Variants in ARHGEF28 observed in about 807,000 individuals in gnomAD.
ARHGEF28 encodes 190 kDa guanine nucleotide exchange factor.
Under a neutral mutation model 206.6 loss-of-function variants are expected in ARHGEF28, and 152 were observed. That is an observed-to-expected ratio of 0.74 (90% CI 0.64 to 0.84). The LOEUF is 0.84. Ranked by LOEUF, ARHGEF28 falls within the 40% of genes least tolerant of loss-of-function variation. The pLI, the probability that ARHGEF28 is intolerant of heterozygous loss-of-function variation, is 0.00. For missense variants in ARHGEF28, 2,028 were observed against 2,073.2 expected (o/e 0.98, Z 0.42); for synonymous variants, 763 against 776.4 (o/e 0.98, Z 0.29).
chr5:73,734,232 GAGA>G (rs1211814279), intron 2 of ARHGEF28, among the ~76,000 whole-genome samples: 1 of 152,184 alleles, frequency 6.6e-6, no homozygotes, highest in Non-Finnish European at 1.5e-5. Context: ...AGAGAGAAAA[GAGA>G]AGAATAGGGA....
At chr5:73,768,901 T>C (rs1382121696) in intron 4 of ARHGEF28, among the ~76,000 whole-genome samples, 2 of 151,994 alleles carry the variant, frequency 1.3e-5, no homozygotes, top group African/African-American at 2.4e-5. Context: ...ATTATGGGGA[T>C]GGGTCTTTCC....
rs527586734 is a variant in ARHGEF28, at chr5:73,697,535, C to T, written c.33+12651C>T. Among the ~76,000 whole-genome samples the T allele has an allele frequency of 3.9e-5, 6 of 152,274 alleles. No individual in the cohort carries two copies. In the South Asian group the frequency reaches 1.0e-3, roughly 26 times the overall value. ...TCCTGAGATGGCAGAGGCCATCTCA[C>T]CTGAGGGGCTGAGTGTGCTCACACG... is the stretch of plus-strand genomic sequence containing the variant. On this transcript the variant is annotated intron_variant, in intron 2 of 35. Transcript: ENST00000513042.
At chr5:73,841,441 C>T (rs1757982940) in intron 11 of ARHGEF28, among the ~76,000 whole-genome samples, 1 of 152,098 alleles carries the variant, frequency 6.6e-6, no homozygotes, top group Admixed American at 6.5e-5. Context: ...CGTGGTGGCT[C>T]ACGCCTGTAA....
At chr5:73,727,470 A>G (rs1023833407) in intron 2 of ARHGEF28, among the ~76,000 whole-genome samples, 12 of 151,980 alleles carry the variant, frequency 7.9e-5, no homozygotes, top group Non-Finnish European at 1.5e-4. Flanking sequence ...ATGGTCATCT[A>G]CTCTCCTTAA....
At chr5:73,735,695 C>A (rs992745008) in intron 2 of ARHGEF28, among the ~76,000 whole-genome samples, 2 of 152,186 alleles carry the variant, frequency 1.3e-5, no homozygotes, top group Non-Finnish European at 2.9e-5. Context: ...TTGTGTTACT[C>A]CCCTGCTCAA....
intron 5 of ARHGEF28, 141 bp from the exon 6 acceptor site, chr5:73,776,375 T>C: frequency 3.1e-6 from 2 of 638,280 alleles, no homozygotes; most frequent in East Asian, 2.7e-5. Context: ...TATGATCTTA[T>C]GTATTTATTG....
intron 2 of ARHGEF28, among the ~76,000 whole-genome samples, chr5:73,702,858 A>G (rs1175760628): frequency 6.6e-6 from 1 of 152,204 alleles, no homozygotes; most frequent in Non-Finnish European, 1.5e-5. Context: ...ACCAATCTTC[A>G]TCCTCCCTCA....
At chr5:73,712,755 A>T (rs1285788174) in intron 2 of ARHGEF28, among the ~76,000 whole-genome samples, 1 of 152,186 alleles carries the variant, frequency 6.6e-6, no homozygotes, top group Non-Finnish European at 1.5e-5. Flanking sequence ...AAACTAATAG[A>T]ACAGAATCAT....
chr5:73,865,625 A>G (rs1759657630), intron 17 of ARHGEF28, among the ~76,000 whole-genome samples: 1 of 152,126 alleles, frequency 6.6e-6, no homozygotes, highest in Admixed American at 6.5e-5. Context: ...CAGGAGGTAG[A>G]AAGAAACAAG....
intron 26 of ARHGEF28, among the ~76,000 whole-genome samples, chr5:73,890,266 C>G (rs1761545774): frequency 6.6e-6 from 1 of 152,224 alleles, no homozygotes; most frequent in Non-Finnish European, 1.5e-5. Flanking sequence ...ACCTCCCCTC[C>G]CCTGCAACAC....
chr5:73,729,716 C>T (rs113811719), intron 2 of ARHGEF28, among the ~76,000 whole-genome samples: 9 of 152,204 alleles, frequency 5.9e-5, no homozygotes, highest in East Asian at 1.9e-4. Flanking sequence ...TATCTTTCCT[C>T]GATAAGGTGG....
intron 31 of ARHGEF28, chr5:73,901,668 C>A (rs1762281027): frequency 6.4e-6 from 1 of 155,910 alleles, no homozygotes; most frequent in Non-Finnish European, 1.4e-5. Context: ...ATTGAAACAC[C>A]TTTTACTTTG....
At chr5:73,736,428 C>T (rs957402881) in intron 2 of ARHGEF28, among the ~76,000 whole-genome samples, 2 of 152,168 alleles carry the variant, frequency 1.3e-5, no homozygotes, top group South Asian at 4.1e-4. Context: ...CTCGAAGTCT[C>T]TCTTTCCTCA....
At chr5:73,739,261 A>G (rs1333851230) in intron 2 of ARHGEF28, among the ~76,000 whole-genome samples, 2 of 152,218 alleles carry the variant, frequency 1.3e-5, no homozygotes, top group Non-Finnish European at 2.9e-5. Flanking sequence ...CTGGCACTTT[A>G]GGTCCTCTCC....
chr5:73,630,951 C>T (rs1303732450), intron 1 of ARHGEF28, among the ~76,000 whole-genome samples: 1 of 152,192 alleles, frequency 6.6e-6, no homozygotes, highest in East Asian at 1.9e-4. Flanking sequence ...CCTTATCTCT[C>T]CTTGACTACC....
intron 1 of ARHGEF28, among the ~76,000 whole-genome samples, chr5:73,648,766 A>G (rs955854319): frequency 1.3e-5 from 2 of 152,170 alleles, no homozygotes; most frequent in Non-Finnish European, 2.9e-5. Context: ...GGAAGGATAA[A>G]TGAATAGGAC....
intron 2 of ARHGEF28, among the ~76,000 whole-genome samples, chr5:73,747,512 T>C (rs1751789087): frequency 6.6e-6 from 1 of 152,238 alleles, no homozygotes; most frequent in Admixed American, 6.5e-5. Flanking sequence ...CTGCCTTTTC[T>C]GAATGAAAAT....
chr5:73,808,831 C>T (rs1461960752), intron 9 of ARHGEF28, among the ~76,000 whole-genome samples: 1 of 151,992 alleles, frequency 6.6e-6, no homozygotes, highest in Non-Finnish European at 1.5e-5. Context: ...AGCTCCTTCC[C>T]TTCTTCTTCC....
chr5:73,679,498 C>T (rs554996267), intron 1 of ARHGEF28, among the ~76,000 whole-genome samples: 1 of 144,138 alleles, frequency 6.9e-6, no homozygotes, highest in Non-Finnish European at 1.5e-5. Context: ...ATCCAGGAGG[C>T]AAAGTTTGCA....
Sources: gnomAD v4.1 joint callset for allele counts (sites outside exome capture counted in the v4.1 genomes callset) on GRCh38, gnomAD v4.1.1 for gene constraint, MANE v1.5 for transcripts, NCBI Gene and HGNC (gene_info 2026-07-23, HGNC 2026-07-21) for gene names.